SH3BGRL2: variants seen among roughly 807,000 people sequenced by gnomAD.
The protein encoded by SH3BGRL2 is SH3 domain binding glutamate rich protein like 2, also known as SH3 domain-binding glutamic acid-rich-like protein 2.
SH3BGRL2 carries 21 observed loss-of-function variants against 14.8 expected under a neutral mutation model. The ratio of observed to expected loss-of-function variants is 1.42; its 90% CI spans 1.01 to 2.05. SH3BGRL2 has a LOEUF of 2.05. Ranked by LOEUF, SH3BGRL2 falls within the 30% of genes most tolerant of loss-of-function variation. The probability of loss-of-function intolerance (pLI) is 0.00; values close to 1 mark genes in which losing one functional copy is unlikely to be tolerated. For synonymous variants in SH3BGRL2, 50 were observed against 47.8 expected, an observed-to-expected ratio of 1.05 and a Z score of -0.19; for missense variants, 147 against 130.8, an observed-to-expected ratio of 1.12 and a Z score of -0.61.
chr6:79,661,229 T>C (rs1334120611), intron 1 of SH3BGRL2, among the ~76,000 whole-genome samples: 2 of 152,224 alleles, frequency 1.3e-5, no homozygotes, highest in Admixed American at 6.5e-5. Flanking sequence ...TGTTAGGGTG[T>C]CGATTTTAGA....
intron 2 of SH3BGRL2, among the ~76,000 whole-genome samples, chr6:79,690,631 A>G (rs549418490): frequency 6.6e-6 from 1 of 152,350 alleles, no homozygotes; most frequent in East Asian, 1.9e-4. Context: ...GAGTTGATCA[A>G]GGTCATAGAT....
In SH3BGRL2 at chr6:79,668,299, C is replaced by T. The variant is rs1769702125; in HGVS notation, c.46-5315C>T. The stretch of plus-strand genomic sequence containing the variant: ...AGTCACGTGCAAGGTAATTATTTAG[C>T]CTGTCTTCCAATCAAATCCCTAGGG... On this transcript the variant is annotated intron_variant, in intron 1 of 3. Coordinates refer to ENST00000369838, the MANE Select transcript of SH3BGRL2 (RefSeq NM_031469.4). Among the ~76,000 whole-genome samples the T allele has an allele frequency of 1.3e-5, 2 of 152,106 alleles. 1 individual carries two copies. Among genetic ancestry groups the T allele is most frequent in the South Asian group, 4.1e-4 (2 of 4,822 alleles).
At chr6:79,557,048 T>G in the SH3BGRL2 span, among the ~76,000 whole-genome samples, 1 of 151,860 alleles carries the variant, frequency 6.6e-6, no homozygotes, top group Admixed American at 6.6e-5. Context: ...ATATATACTT[T>G]TATAACCATT....
intron 2 of SH3BGRL2, among the ~76,000 whole-genome samples, chr6:79,688,182 T>C (rs1392077768): frequency 1.3e-5 from 2 of 150,574 alleles, no homozygotes; most frequent in African/African-American, 2.5e-5. Flanking sequence ...AACAGAAGTA[T>C]AGGTGATGAG....
At chr6:79,679,128 A>G (rs1769940936) in intron 2 of SH3BGRL2, among the ~76,000 whole-genome samples, 1 of 152,176 alleles carries the variant, frequency 6.6e-6, no homozygotes, top group African/African-American at 2.4e-5. Context: ...TCTTTTGGGT[A>G]TATACACAGT....
chr6:79,620,145 C>T, the SH3BGRL2 span, among the ~76,000 whole-genome samples: 1 of 151,926 alleles, frequency 6.6e-6, no homozygotes, highest in Non-Finnish European at 1.5e-5. Context: ...CTCATAGAAG[C>T]CTGGTTCTCC....
At chr6:79,566,943 A>G in the SH3BGRL2 span, among the ~76,000 whole-genome samples, 2 of 151,832 alleles carry the variant, frequency 1.3e-5, no homozygotes, top group African/African-American at 4.8e-5. Context: ...ATGAATAAAT[A>G]CTTGTTCACT....
intron 1 of SH3BGRL2, among the ~76,000 whole-genome samples, chr6:79,646,990 G>A (rs144311984): frequency 7.2e-5 from 11 of 152,284 alleles, no homozygotes; most frequent in African/African-American, 2.4e-4. Context: ...GAATAATGCC[G>A]CTCTGAACGT....
At chr6:79,689,075 A>G (rs796777799) in intron 2 of SH3BGRL2, among the ~76,000 whole-genome samples, 15 of 152,290 alleles carry the variant, frequency 9.8e-5, no homozygotes, top group Admixed American at 3.9e-4. Flanking sequence ...AATGCAATTC[A>G]TCTATCTACA....
chr6:79,596,039 CAA>C, the SH3BGRL2 span, among the ~76,000 whole-genome samples: 4 of 152,026 alleles, frequency 2.6e-5, no homozygotes, highest in African/African-American at 7.2e-5. Context: ...AATAAACAAA[CAA>C]AATAAAATTA....
the SH3BGRL2 span, among the ~76,000 whole-genome samples, chr6:79,570,519 T>G: frequency 6.6e-6 from 1 of 152,214 alleles, no homozygotes; most frequent in Non-Finnish European, 1.5e-5. Flanking sequence ...ATGTTGTAAC[T>G]TCTAAAGCAA....
At chr6:79,670,124 TG>T (rs1172102149) in intron 1 of SH3BGRL2, among the ~76,000 whole-genome samples, 4 of 152,248 alleles carry the variant, frequency 2.6e-5, no homozygotes, top group Non-Finnish European at 5.9e-5. Flanking sequence ...GCTTTGTTTA[TG>T]GACACTGGTG....
At chr6:79,654,254 G>T (rs1476854596) in intron 1 of SH3BGRL2, among the ~76,000 whole-genome samples, 1 of 152,124 alleles carries the variant, frequency 6.6e-6, no homozygotes, top group Non-Finnish European at 1.5e-5. Flanking sequence ...ATTCACTGAA[G>T]TTTTGAGAAG....
the SH3BGRL2 span, among the ~76,000 whole-genome samples, chr6:79,567,115 T>C: frequency 1.3e-5 from 2 of 152,134 alleles, no homozygotes; most frequent in Non-Finnish European, 2.9e-5. Context: ...ACTAATTAAA[T>C]TTTTTAGGAT....
chr6:79,546,699 C>CTTT, the SH3BGRL2 span, among the ~76,000 whole-genome samples: 1 of 143,876 alleles, frequency 7.0e-6, no homozygotes, highest in South Asian at 2.2e-4. Flanking sequence ...AGTAGCAACT[C>CTTT]TTTTTTTTTT....
the SH3BGRL2 span, among the ~76,000 whole-genome samples, chr6:79,595,325 T>G: frequency 6.6e-6 from 1 of 151,076 alleles, no homozygotes; most frequent in African/African-American, 2.4e-5. Context: ...CATCGGGAGA[T>G]GTCATTAAAA....
At chr6:79,688,199 A>T (rs1440061472) in intron 2 of SH3BGRL2, among the ~76,000 whole-genome samples, 2 of 136,688 alleles carry the variant, frequency 1.5e-5, no homozygotes, top group Non-Finnish European at 3.1e-5. Context: ...TGAGAGATTT[A>T]AAAAAAAAAA....
intron 1 of SH3BGRL2, among the ~76,000 whole-genome samples, chr6:79,660,450 T>TGCATATGTTGAACCA (rs199812391): frequency 0.078 from 11,889 of 152,214 alleles, 607 homozygotes; most frequent in Non-Finnish European, 0.11. Flanking sequence ...TTTATTGATT[T>TGCATATGTTGAACCA]GCATATGTTG....
At chr6:79,624,903 G>A in the SH3BGRL2 span, among the ~76,000 whole-genome samples, 1 of 152,090 alleles carries the variant, frequency 6.6e-6, no homozygotes, top group Admixed American at 6.6e-5. Context: ...TGGGCTCCAT[G>A]GCTCACGCCT....
Sources: gnomAD v4.1 joint callset for allele counts (sites outside exome capture counted in the v4.1 genomes callset) on GRCh38, gnomAD v4.1.1 for gene constraint, MANE v1.5 for transcripts, NCBI Gene and HGNC (gene_info 2026-07-23, HGNC 2026-07-21) for gene names.